Variants in MAF observed in about 807,000 individuals in gnomAD.
MAF encodes MAF bZIP transcription factor, also known as transcription factor Maf.
Under a neutral mutation model 22.0 loss-of-function variants are expected in MAF, and 10 were observed. That is an observed-to-expected ratio of 0.45 (90% CI 0.28 to 0.77). The LOEUF (loss-of-function observed/expected upper bound fraction) is 0.77. MAF is among the 30% of genes least tolerant of loss of function. The pLI is 0.12. For synonymous variants in MAF, 337 were observed against 255.8 expected, an observed-to-expected ratio of 1.32 and a Z score of -3.03; for missense variants, 544 against 548.4, an observed-to-expected ratio of 0.99 and a Z score of 0.08.
At chr16:79,392,976 C>T in the MAF span, among the ~76,000 whole-genome samples, 2 of 152,310 alleles carry the variant, frequency 1.3e-5, no homozygotes, top group East Asian at 3.9e-4. Flanking sequence ...GCAGCTCCTG[C>T]CGCCCTCTCT....
At chr16:79,549,600 C>T in the MAF span, among the ~76,000 whole-genome samples, 1 of 152,216 alleles carries the variant, frequency 6.6e-6, no homozygotes, top group African/African-American at 2.4e-5. Context: ...TGGCCATGTC[C>T]TCAGTGTGGA....
chr16:79,531,132 C>A, the MAF span, among the ~76,000 whole-genome samples: 1 of 152,208 alleles, frequency 6.6e-6, no homozygotes, highest in Non-Finnish European at 1.5e-5. Flanking sequence ...CAGGGACTAA[C>A]ATGAGACATT....
the MAF span, chr16:79,211,700 G>A: frequency 6.2e-7 from 1 of 1,614,240 alleles, no homozygotes; most frequent in Admixed American, 1.7e-5. Flanking sequence ...GCCGCTGCAT[G>A]CCCTCACCAG....
the MAF span, among the ~76,000 whole-genome samples, chr16:79,207,621 A>G: frequency 6.6e-6 from 1 of 152,310 alleles, no homozygotes; most frequent in African/African-American, 2.4e-5. Flanking sequence ...TATTTTTTAT[A>G]TATCTCATAG....
At chr16:79,472,255 T>A in the MAF span, among the ~76,000 whole-genome samples, 1 of 152,160 alleles carries the variant, frequency 6.6e-6, no homozygotes, top group African/African-American at 2.4e-5. Flanking sequence ...GACCCAGCAA[T>A]TCCACTCCTG....
chr16:79,394,447 A>T, the MAF span, among the ~76,000 whole-genome samples: 3 of 152,134 alleles, frequency 2.0e-5, no homozygotes, highest in African/African-American at 7.2e-5. Context: ...AAGTCAGCTC[A>T]TGCATCTTTT....
At chr16:79,320,341 C>T in the MAF span, among the ~76,000 whole-genome samples, 23 of 152,258 alleles carry the variant, frequency 1.5e-4, no homozygotes, top group Middle Eastern at 6.8e-3. Flanking sequence ...AGATACGGGG[C>T]TTCCTGAAAT....
chr16:79,330,055 A>G, the MAF span, among the ~76,000 whole-genome samples: 1 of 152,168 alleles, frequency 6.6e-6, no homozygotes, highest in Admixed American at 6.6e-5. Flanking sequence ...TCAACGCACC[A>G]TTTTTTACTA....
At chr16:79,339,608 C>T in the MAF span, among the ~76,000 whole-genome samples, 1 of 152,104 alleles carries the variant, frequency 6.6e-6, no homozygotes, top group Non-Finnish European at 1.5e-5. Context: ...CAGGACTATT[C>T]TAACTAATAC....
chr16:79,220,255 CAAA>C, the MAF span, among the ~76,000 whole-genome samples: 1 of 94,060 alleles, frequency 1.1e-5, no homozygotes, highest in Non-Finnish European at 2.1e-5. Flanking sequence ...GACTCCATCT[CAAA>C]AAAAAAAAAA....
At chr16:79,209,038 G>T in the MAF span, among the ~76,000 whole-genome samples, 2 of 152,168 alleles carry the variant, frequency 1.3e-5, no homozygotes, top group African/African-American at 2.4e-5. Flanking sequence ...TGCCCCTCCT[G>T]TGTACTGTGT....
chr16:79,331,967 T>C, the MAF span, among the ~76,000 whole-genome samples: 1 of 152,220 alleles, frequency 6.6e-6, no homozygotes, highest in African/African-American at 2.4e-5. Flanking sequence ...GTAACATTGC[T>C]GTTTGACTTT....
chr16:79,431,766 A>C, the MAF span, among the ~76,000 whole-genome samples: 1 of 152,224 alleles, frequency 6.6e-6, no homozygotes, highest in Admixed American at 6.5e-5. Flanking sequence ...TTCTGCACAG[A>C]GAAACATGAT....
the MAF span, among the ~76,000 whole-genome samples, chr16:79,253,184 G>A: frequency 5.4e-4 from 82 of 152,284 alleles, 2 homozygotes; most frequent in East Asian, 0.015. Context: ...ACGCAAGGAT[G>A]CTTAGAACTT....
chr16:79,427,901 T>C, the MAF span, among the ~76,000 whole-genome samples: 1 of 152,148 alleles, frequency 6.6e-6, no homozygotes, highest in African/African-American at 2.4e-5. Flanking sequence ...ACCTAGGGGA[T>C]GCTTAACAGA....
the MAF span, among the ~76,000 whole-genome samples, chr16:79,405,012 C>A: frequency 2.6e-5 from 4 of 152,144 alleles, no homozygotes; most frequent in Non-Finnish European, 5.9e-5. Flanking sequence ...ACTGTGTCAC[C>A]GGGTACTGGA....
chr16:79,259,466 G>C, the MAF span, among the ~76,000 whole-genome samples: 4 of 152,076 alleles, frequency 2.6e-5, no homozygotes, highest in East Asian at 7.8e-4. Flanking sequence ...TTTGATTACT[G>C]TCTACTCCCC....
the MAF span, among the ~76,000 whole-genome samples, chr16:79,218,292 C>T: frequency 4.1e-5 from 6 of 147,630 alleles, no homozygotes; most frequent in Non-Finnish European, 8.9e-5. Flanking sequence ...TAATGGCTAC[C>T]TCATATATCA....
chr16:79,490,768 C>T, the MAF span, among the ~76,000 whole-genome samples: 22 of 152,106 alleles, frequency 1.4e-4, no homozygotes, highest in African/African-American at 5.3e-4. Context: ...GTACTGAGAA[C>T]AAAACAGTGA....
Sources: gnomAD v4.1 joint callset for allele counts (sites outside exome capture counted in the v4.1 genomes callset) on GRCh38, gnomAD v4.1.1 for gene constraint, MANE v1.5 for transcripts, NCBI Gene and HGNC (gene_info 2026-07-23, HGNC 2026-07-21) for gene names.